The following TMEM108 variants were observed in gnomAD, a reference collection of about 807,000 sequenced individuals.
The protein encoded by TMEM108 is cancer/testis antigen 124.
TMEM108 carries 12 observed loss-of-function variants against 35.1 expected under a neutral mutation model. That is an observed-to-expected ratio of 0.34 (90% confidence interval 0.22 to 0.55). The LOEUF is 0.55. Among genes scored for constraint, TMEM108 ranks in the 20% least tolerant of loss-of-function variants. The probability of loss-of-function intolerance (pLI) is 0.89; values close to 1 mark genes in which losing one functional copy is unlikely to be tolerated. For missense variants in TMEM108, 680 were observed against 753.3 expected (o/e 0.90, Z 1.14); for synonymous variants, 287 against 308.6 (o/e 0.93, Z 0.73).
At position 133,256,287 on chromosome 3, in the gene TMEM108, A is replaced by G. The variant is rs1046533568; in HGVS notation, c.40+26936A>G. Among the ~76,000 whole-genome samples the G allele has an allele frequency of 3.9e-5, 6 of 152,226 alleles. No individual in the cohort carries two copies. In the East Asian group the frequency reaches 7.7e-4, roughly 20 times the overall value. ...CATTTTCAGATATTTTTTAAAGTAG[A>G]ACATTTTCACAGATGGACATTCATT... On this transcript the variant is annotated intron_variant, in intron 3 of 5. Coordinates refer to ENST00000321871, the MANE Select transcript of TMEM108 (RefSeq NM_023943.4).
intron 2 of TMEM108, among the ~76,000 whole-genome samples, chr3:133,086,575 A>G (rs935395371): frequency 6.6e-6 from 1 of 152,168 alleles, no homozygotes; most frequent in Admixed American, 6.6e-5. Context: ...CGAGATGAGC[A>G]TTTTTTAAAA....
intron 3 of TMEM108, among the ~76,000 whole-genome samples, chr3:133,329,721 A>G (rs577139541): frequency 6.6e-6 from 1 of 152,324 alleles, no homozygotes; most frequent in East Asian, 1.9e-4. Context: ...CTGCAGGCAC[A>G]CAAGAGCAGG....
chr3:133,372,807 A>G (rs1279114038), intron 3 of TMEM108, among the ~76,000 whole-genome samples: 1 of 152,218 alleles, frequency 6.6e-6, no homozygotes. Context: ...AGTAGGGAAC[A>G]TTTTAAATGT....
At chr3:133,040,937 C>G (rs1382138842) in intron 1 of TMEM108, among the ~76,000 whole-genome samples, 1 of 152,184 alleles carries the variant, frequency 6.6e-6, no homozygotes, top group East Asian at 1.9e-4. Flanking sequence ...CAGTAGTGTC[C>G]TCTGAGGAGG....
intron 3 of TMEM108, among the ~76,000 whole-genome samples, chr3:133,337,252 G>T (rs910944500): frequency 6.6e-6 from 1 of 152,192 alleles, no homozygotes; most frequent in African/African-American, 2.4e-5. Context: ...GAGATCCAGT[G>T]CTGTGCAGGC....
intron 2 of TMEM108, among the ~76,000 whole-genome samples, chr3:133,134,010 C>T (rs1034236632): frequency 5.3e-5 from 8 of 152,014 alleles, no homozygotes; most frequent in South Asian, 2.1e-4. Flanking sequence ...GATCCACCCA[C>T]CTCAGCCTCC....
chr3:133,320,296 A>T (rs974838469), intron 3 of TMEM108, among the ~76,000 whole-genome samples: 11 of 152,262 alleles, frequency 7.2e-5, no homozygotes, highest in Admixed American at 1.3e-4. Context: ...GGATATGGAT[A>T]AAAAATGCTC....
chr3:133,299,730 A>T lies in TMEM108; in HGVS notation c.40+70379A>T, dbSNP rs115435127. Reference sequence around the variant, plus strand: ...ACTGAAGACAATTTCCATTTGGGAGAGCCAGGCCATCATACGTCTTCAACC... The same window carrying T: ...ACTGAAGACAATTTCCATTTGGGAGTGCCAGGCCATCATACGTCTTCAACC... On this transcript the variant is annotated intron_variant, in intron 3 of 5. Transcript: ENST00000321871. 9.9e-3 allele frequency among the ~76,000 whole-genome samples: 1,504 copies of T among 152,234 alleles called. 31 individuals carry two copies. Among genetic ancestry groups the T allele is most frequent in the African/African-American group, 0.034 (1,425 of 41,506 alleles).
intron 2 of TMEM108, among the ~76,000 whole-genome samples, chr3:133,223,062 G>A (rs1946016040): frequency 1.3e-5 from 2 of 152,106 alleles, no homozygotes; most frequent in South Asian, 4.2e-4. Context: ...TGAATTCTTT[G>A]TTAGGCAGTT....
intron 2 of TMEM108, among the ~76,000 whole-genome samples, chr3:133,095,379 T>C (rs1219290111): frequency 6.6e-6 from 1 of 152,182 alleles, no homozygotes; most frequent in African/African-American, 2.4e-5. Flanking sequence ...CCCCAGCCTT[T>C]TTGGCACCAG....
intron 4 of TMEM108, chr3:133,388,596 AT>A: frequency 1.0e-6 from 1 of 985,406 alleles, no homozygotes; most frequent in Non-Finnish European, 1.2e-6. Context: ...TGTTTTAAAG[AT>A]TTTTTAAAAA....
chr3:133,124,423 T>G (rs1472134411), intron 2 of TMEM108, among the ~76,000 whole-genome samples: 1 of 152,188 alleles, frequency 6.6e-6, no homozygotes, highest in Non-Finnish European at 1.5e-5. Flanking sequence ...AGAATTAAAA[T>G]TCGGCTGGAG....
chr3:133,044,675 T>C (rs1943313556), intron 1 of TMEM108, among the ~76,000 whole-genome samples: 1 of 152,126 alleles, frequency 6.6e-6, no homozygotes, highest in Non-Finnish European at 1.5e-5. Context: ...GTCCAAGAAG[T>C]TGGTGGCTCG....
intron 2 of TMEM108, among the ~76,000 whole-genome samples, chr3:133,210,181 A>G (rs1945815800): frequency 6.6e-6 from 1 of 152,186 alleles, no homozygotes; most frequent in Admixed American, 6.5e-5. Flanking sequence ...GCCTGGCCTC[A>G]CTGTGGCTCT....
intron 3 of TMEM108, among the ~76,000 whole-genome samples, chr3:133,310,978 A>G (rs955692134): frequency 6.6e-6 from 1 of 152,186 alleles, no homozygotes; most frequent in Non-Finnish European, 1.5e-5. Context: ...TCCTTCGCTT[A>G]TGAAGCTTAG....
intron 2 of TMEM108, among the ~76,000 whole-genome samples, chr3:133,117,539 A>G (rs1559837582): frequency 6.6e-6 from 1 of 152,284 alleles, no homozygotes; most frequent in South Asian, 2.1e-4. Context: ...TTAGAGTGCC[A>G]TTGACTGTTG....
At chr3:133,247,251 G>T (rs533414076) in intron 3 of TMEM108, 2 of 152,210 alleles carry the variant, frequency 1.3e-5, no homozygotes, top group Admixed American at 6.5e-5. Flanking sequence ...TAACATGGTT[G>T]AAGAAAAGTT....
chr3:133,312,570 C>G lies in TMEM108; in HGVS notation c.41-67182C>G, dbSNP rs182459641. Reference sequence around the variant, plus strand: ...AGAGAATCTCCTGGTCTGCTGGTTGCTAAGACCATGTGAAAAGCGCAGTAT... The same window carrying G: ...AGAGAATCTCCTGGTCTGCTGGTTGGTAAGACCATGTGAAAAGCGCAGTAT... On this transcript the variant is annotated intron_variant, in intron 3 of 5. Transcript: ENST00000321871. 2.8e-3 allele frequency among the ~76,000 whole-genome samples: 429 copies of G among 152,356 alleles called. 3 individuals carry two copies. Among genetic ancestry groups the G allele is most frequent in the African/African-American group, 0.01 (417 of 41,592 alleles).
chr3:133,393,703 G>A (rs1484554055), intron 5 of TMEM108, among the ~76,000 whole-genome samples: 1 of 152,208 alleles, frequency 6.6e-6, no homozygotes, highest in Non-Finnish European at 1.5e-5. Context: ...TGACAAAGGG[G>A]CTGGTCCTAC....
Sources: gnomAD v4.1 joint callset for allele counts (sites outside exome capture counted in the v4.1 genomes callset) on GRCh38, gnomAD v4.1.1 for gene constraint, MANE v1.5 for transcripts, NCBI Gene and HGNC (gene_info 2026-07-23, HGNC 2026-07-21) for gene names.